PPRC1: variants seen among roughly 807,000 people sequenced by gnomAD.
PPRC1 encodes PPARG related coactivator 1.
In PPRC1, 23 loss-of-function variants were observed where a neutral mutation model predicts 132.5. The ratio of observed to expected loss-of-function variants is 0.17; its 90% CI spans 0.12 to 0.25. PPRC1 has a LOEUF of 0.25. PPRC1 is among the 10% of genes least tolerant of loss of function. The pLI, the probability that PPRC1 is intolerant of heterozygous loss-of-function variation, is 1.00. For synonymous variants in PPRC1, 872 were observed against 833.5 expected (o/e 1.05, Z -0.80); for missense variants, 2,006 against 2,089.1 (o/e 0.96, Z 0.78).
intron 13 of PPRC1, 54 bp downstream of exon 13, chr10:102,149,383 G>C (rs1490140409): frequency 6.6e-7 from 1 of 1,506,378 alleles, no homozygotes; most frequent in Non-Finnish European, 8.9e-7. Flanking sequence ...TCCCCAGAAG[G>C]GTTCCTAACC....
At chr10:102,126,764 C>G in the PPRC1 span, among the ~76,000 whole-genome samples, 33 of 151,964 alleles carry the variant, frequency 2.2e-4, no homozygotes, top group African/African-American at 7.7e-4. Context: ...CAGCCGCAGC[C>G]GTGAACTGTA....
chr10:102,141,368 G>A lies in PPRC1; in HGVS notation c.2860G>A (p.Ala954Thr). Residue 954 changes from alanine (A) to threonine (T), a missense_variant, in exon 5 of 14, where the codon GCC becomes ACC. Transcript: ENST00000278070. ...AGTGTCTGGTACTCCTGGTGCCTAT[G>A]CCGTGCCTCCCACTTGCAGTGTGCC... ...PLVSGTPGAY[A>T]VPPTCSVPWA... 1 of 1,613,978 alleles carries A rather than the reference G, an allele frequency of 6.2e-7. No individual in the cohort carries two copies. The highest frequency in any genetic ancestry group is 8.5e-7 in the Non-Finnish European group (1 of 1,179,998).
At chr10:102,125,272 T>TG in the PPRC1 span, among the ~76,000 whole-genome samples, 1 of 149,708 alleles carries the variant, frequency 6.7e-6, no homozygotes, top group African/African-American at 2.5e-5. Context: ...TTTTTTTTTT[T>TG]TTTTTGAGAC....
the PPRC1 span, among the ~76,000 whole-genome samples, chr10:102,127,238 G>C: frequency 6.6e-6 from 1 of 151,396 alleles, no homozygotes; most frequent in Non-Finnish European, 1.5e-5. Context: ...AGGCAGGTGT[G>C]GGGGCACAAG....
rs968007371 is a variant in PPRC1, at chr10:102,148,281, C to T, written c.4401-91C>T. 1.1e-5 allele frequency: 16 copies of T among 1,459,068 alleles called. No homozygotes were observed. In the Admixed American group the frequency reaches 1.2e-4, roughly 11 times the overall value. 90.4% of individuals were successfully genotyped at this position (1,459,068 alleles called of 1,614,324 possible). ...TGCTTTGTCTTTGGTCCTGAGCTTC[C>T]TAAAAGAAAGGCAGGACTGGGGCCT... On this transcript the variant is annotated intron_variant, in intron 9 of 13. Transcript: ENST00000278070. The surrounding 1 kb of genome is among the most constrained non-coding windows in gnomAD (Gnocchi z 4.2).
the PPRC1 span, among the ~76,000 whole-genome samples, chr10:102,122,076 A>G: frequency 6.6e-6 from 1 of 151,458 alleles, no homozygotes; most frequent in African/African-American, 2.4e-5. Context: ...GGAGTCTCCC[A>G]CCCCCAGGTT....
In PPRC1 at chr10:102,144,284, C is replaced by T. The variant is rs1564950885; in HGVS notation, c.3585C>T (p.Asp1195=). 2 of 1,614,158 alleles carry T rather than the reference C, an allele frequency of 1.2e-6. No individual in the cohort carries two copies. Among genetic ancestry groups the T allele is most frequent in the Admixed American group, 1.7e-5 (1 of 60,028 alleles). The part of the protein sequence containing the change: ...KKECPPPAPA[D]SLAVGNSGGV... ...AGTGTCCTCCTCCGGCTCCTGCTGA[C>T]AGCTTGGCTGTAGGAAACTCAGGGT... Residue 1195 remains aspartate, a synonymous_variant, in exon 7 of 14, where the codon GAC becomes GAT. Transcript: ENST00000278070.
Position 102,141,445 on chromosome 10 carries a change from T to C in PPRC1, c.2937T>C (p.Tyr979=). 1 of 1,613,954 alleles carries C rather than the reference T, an allele frequency of 6.2e-7. No homozygotes were observed. Among genetic ancestry groups the C allele is most frequent in the Non-Finnish European group, 8.5e-7 (1 of 1,180,008 alleles). Residue 979 remains tyrosine (Y), a synonymous_variant, in exon 5 of 14, where the codon TAT becomes TAC. Coordinates refer to ENST00000278070, the MANE Select transcript of PPRC1 (RefSeq NM_015062.5). ...PVSPYSSTCT[Y]GPLGWGPGPQ... ...CACCTTACAGTTCCACATGTACCTA[T>C]GGGCCCTTGGGATGGGGCCCAGGGC...
upstream of PPRC1, among the ~76,000 whole-genome samples, chr10:102,129,588 A>T (rs986402014): frequency 6.6e-6 from 1 of 151,336 alleles, no homozygotes; most frequent in African/African-American, 2.4e-5. Context: ...GTAGCATTTT[A>T]TTTTTTTTTA....
intron 5 of PPRC1, chr10:102,142,811 C>G: frequency 2.6e-6 from 1 of 377,622 alleles, no homozygotes; most frequent in South Asian, 7.3e-5. Context: ...TTCCAAGTAG[C>G]TGGGATTTAT....
At chr10:102,128,336 C>T (rs890677568), upstream of PPRC1, among the ~76,000 whole-genome samples, 4 of 151,996 alleles carry the variant, frequency 2.6e-5, no homozygotes, top group African/African-American at 9.7e-5. Flanking sequence ...GACGGGGTTT[C>T]ACCATGTTGG....
At chr10:102,149,471 G>A (rs533624994) in intron 13 of PPRC1, 142 bp downstream of exon 13, 6 of 1,038,352 alleles carry the variant, frequency 5.8e-6, no homozygotes, top group Non-Finnish European at 7.7e-6. Flanking sequence ...GGTGGCTCAC[G>A]CCTGTAATCC....
Position 102,147,400 on chromosome 10 carries a change from T to C in PPRC1, c.4400+8T>C, listed in dbSNP as rs2069311844. ...ACACAAGAGGTGGCGAAGGTGAGCTTTGATGGCCCTGTAGGTCCTCTCCAT... is the reference window on the plus strand; with the variant it reads ...ACACAAGAGGTGGCGAAGGTGAGCTCTGATGGCCCTGTAGGTCCTCTCCAT... On this transcript the variant is annotated splice_region_variant and intron_variant, in intron 9 of 13. Transcript: ENST00000278070. 6.3e-7 allele frequency: 1 copy of C among 1,596,976 alleles called. No homozygotes were observed. The highest frequency in any genetic ancestry group is 8.5e-7 in the Non-Finnish European group (1 of 1,174,518).
chr10:102,132,944 C>T, upstream of PPRC1: 9 of 1,216,442 alleles, frequency 7.4e-6, no homozygotes, highest in Non-Finnish European at 9.2e-6. Flanking sequence ...AAGTGGGTCT[C>T]GCCGCACGGC....
rs777762528 is a variant in PPRC1, at chr10:102,140,679, C to T, written c.2171C>T (p.Pro724Leu). ...ESLDPPKTII[P>L]EVKEVVDSLK... ...TTGGACCCACCAAAGACCATCATCC[C>T]TGAAGTCAAAGAGGTTGTGGATTCT... The change falls in exon 5 of 14, where the codon CCT becomes CTT. Residue 724 changes from proline (P) to leucine (L), a missense_variant. By Grantham distance (98) the Pro-to-Leu change is moderately conservative. Coordinates refer to ENST00000278070, the MANE Select transcript of PPRC1 (RefSeq NM_015062.5). 19 of 1,614,108 alleles carry T rather than the reference C, an allele frequency of 1.2e-5. No homozygotes were observed. The highest frequency in any genetic ancestry group is 1.6e-4 in the Middle Eastern group (1 of 6,062).
rs370083990 is a variant in PPRC1, at chr10:102,139,801, G to A, written c.1293G>A (p.Arg431=). ...ACTCAGCCTGCTTATTGAAGCCCAG[G>A]GAGGTCGTGGAGCCGGTGGTGCCCA... ...KLDSACLLKP[R]EVVEPVVPKE... is the part of the protein sequence containing the mutation. Residue 431 remains arginine (R), a synonymous_variant, in exon 5 of 14, where the codon AGG becomes AGA. Coordinates refer to ENST00000278070, the MANE Select transcript of PPRC1 (RefSeq NM_015062.5). 41 of 1,614,114 alleles carry A rather than the reference G, an allele frequency of 2.5e-5. No homozygotes were observed. The highest frequency in any genetic ancestry group is 3.5e-5 in the Non-Finnish European group (41 of 1,180,044).
At chr10:102,149,800 C>T (rs1590366935) in intron 13 of PPRC1, 126 bp from the exon 14 acceptor site, 1 of 743,102 alleles carries the variant, frequency 1.3e-6, no homozygotes, top group Non-Finnish European at 2.4e-6. Flanking sequence ...TCTCCTATCT[C>T]TTTGACTTAA....
chr10:102,127,041 A>G, the PPRC1 span, among the ~76,000 whole-genome samples: 402 of 56,974 alleles, frequency 7.1e-3, 6 homozygotes, highest in Non-Finnish European at 0.017. Flanking sequence ...ATATATATAT[A>G]TATATATATA....
At chr10:102,121,276 T>C in the PPRC1 span, among the ~76,000 whole-genome samples, 7 of 151,976 alleles carry the variant, frequency 4.6e-5, no homozygotes, top group African/African-American at 1.7e-4. Flanking sequence ...CTTGGTGCCT[T>C]CACCTCCGTA....
Sources: gnomAD v4.1 joint callset for allele counts (sites outside exome capture counted in the v4.1 genomes callset) on GRCh38, gnomAD v4.1.1 for gene constraint, Gnocchi (gnomAD v3.1) non-coding constraint, MANE v1.5 for transcripts, NCBI Gene and HGNC (gene_info 2026-07-23, HGNC 2026-07-21) for gene names.